Variants in VEGFA observed in about 807,000 individuals in gnomAD.
The protein encoded by VEGFA is vascular endothelial growth factor A, long form.
Under a neutral mutation model 49.7 loss-of-function variants are expected in VEGFA, and 20 were observed. The ratio of observed to expected loss-of-function variants is 0.40; its 90% confidence interval spans 0.28 to 0.58. The LOEUF is 0.58. Among genes scored for constraint, VEGFA ranks in the 20% least tolerant of loss-of-function variants. The pLI, the probability that VEGFA is intolerant of heterozygous loss-of-function variation, is 0.40. For missense variants in VEGFA, 505 were observed against 553.5 expected (o/e 0.91, Z 0.88); for synonymous variants, 219 against 223.4 (o/e 0.98, Z 0.18).
chr6:43,774,418 G>C, intron 2 of VEGFA, 26 bp downstream of exon 2: 2 of 1,614,066 alleles, frequency 1.2e-6, no homozygotes. Context: ...TGTTGGATGG[G>C]GTTCCCTGTC....
intron 5 of VEGFA, chr6:43,780,417 GTGTGGAGACCTTTGGGTCC>G (rs1210458069): frequency 7.8e-5 from 33 of 423,894 alleles, no homozygotes; most frequent in Non-Finnish European, 1.2e-4. Context: ...GCCACTGTGA[GTGTGGAGACCTTTGGGTCC>G]TGTGCCCTCC....
chr6:43,781,431 C>T lies in VEGFA; in HGVS notation c.1035-525C>T, dbSNP rs1011513402. 20 of 237,682 alleles carry T rather than the reference C, an allele frequency of 8.4e-5. No individual in the cohort carries two copies. The Middle Eastern group carries it at 8.0e-3, about 96-fold the overall frequency. 14.7% of individuals were successfully genotyped at this position (237,682 alleles called of 1,614,324 possible). On this transcript the variant is annotated intron_variant, in intron 6 of 7. Transcript: ENST00000672860. ...TGCAGGGCAGCCTCTTCCTCTGGGT[C>T]GGAGGCTGTGGTGGGCCCTGCCCTG...
At chr6:43,772,775 C>T (rs1764040982) in intron 1 of VEGFA, among the ~76,000 whole-genome samples, 3 of 152,186 alleles carry the variant, frequency 2.0e-5, no homozygotes. Context: ...GGACAGGGGT[C>T]GCTGCTAACA....
At chr6:43,780,474 T>G in intron 5 of VEGFA, 1 of 527,348 alleles carries the variant, frequency 1.9e-6, no homozygotes, top group Non-Finnish European at 3.4e-6. Context: ...CACCAAAGCC[T>G]TGTCAGGGGC....
rs1263739598 is a variant in VEGFA at position 43,782,036 on chromosome 6, C to CA, written c.1116dup (p.Asp373ArgfsTer10). The CA allele has an allele frequency of 6.2e-7, 1 of 1,614,040 alleles. No homozygotes were observed. Among genetic ancestry groups the CA allele is most frequent in the African/African-American group, 1.3e-5 (1 of 74,928 alleles). On this transcript the variant is annotated frameshift_variant, in exon 7 of 8. Transcript: ENST00000672860. LOFTEE classifies it high-confidence loss of function. The stretch of plus-strand genomic sequence containing the variant: ...ACGTGTAAATGTTCCTGCAAAAACA[C>CA]AGACTCGCGTTGCAAGGCGAGGCAG...
intron 6 of VEGFA, chr6:43,781,748 C>A: frequency 1.7e-6 from 1 of 594,684 alleles, no homozygotes; most frequent in Non-Finnish European, 3.0e-6. Context: ...CCCGCCTCTT[C>A]CTGCGGCAGG....
intron 7 of VEGFA, chr6:43,783,820 C>G (rs1394706444): frequency 6.6e-6 from 1 of 152,554 alleles, no homozygotes; most frequent in African/African-American, 2.4e-5. Context: ...GTGAAGCCGC[C>G]GAATTGTCTC....
intron 5 of VEGFA, chr6:43,779,488 T>C (rs1766608184): frequency 5.4e-6 from 2 of 369,110 alleles, no homozygotes; most frequent in East Asian, 1.2e-4. Context: ...AAGGGGCAGG[T>C]AGGATGGGGT....
chr6:43,781,001 T>G lies in VEGFA; in HGVS notation c.1034+198T>G. The stretch of plus-strand genomic sequence containing the variant: ...GTAGATTTGGTGGTGGCATTGCTGG[T>G]CCAGGGTTGGGGTGAATGGGGGTGC... On this transcript the variant is annotated intron_variant, in intron 6 of 7. Coordinates refer to ENST00000672860, the MANE Select transcript of VEGFA (RefSeq NM_003376.6). 2.1e-6 allele frequency: 3 copies of G among 1,396,696 alleles called. No homozygotes were observed. The South Asian group carries it at 3.6e-5, about 17-fold the overall frequency. 86.5% of individuals were successfully genotyped at this position (1,396,696 alleles called of 1,614,324 possible). A position where few individuals can be genotyped will look rare whatever the true frequency, so the allele number is the denominator to read the frequency against.
chr6:43,782,228 C>T (rs1287110377), intron 7 of VEGFA, 141 bp downstream of exon 7: 2 of 1,263,224 alleles, frequency 1.6e-6, no homozygotes, highest in Non-Finnish European at 2.2e-6. Context: ...TAGCTGCCTG[C>T]CTGGTGACTG....
chr6:43,782,631 G>T (rs1768244322), intron 7 of VEGFA: 1 of 216,998 alleles, frequency 4.6e-6, no homozygotes, highest in South Asian at 7.0e-5. Context: ...GGAAAGGGTT[G>T]TGTCTCCCCA....
intron 5 of VEGFA, chr6:43,779,660 C>A: frequency 2.1e-6 from 1 of 465,312 alleles, no homozygotes; most frequent in Middle Eastern, 3.2e-4. Flanking sequence ...TTGAAGCCCC[C>A]ACCAGGCCTC....
intron 6 of VEGFA, 109 bp from the exon 7 acceptor site, chr6:43,781,847 T>G: frequency 6.9e-7 from 1 of 1,444,344 alleles, no homozygotes; most frequent in Non-Finnish European, 9.5e-7. Context: ...GCTGACCGGC[T>G]GGGTGGGGGT....
Position 43,782,026 on chromosome 6 carries a change from T to C in VEGFA, c.1105T>C (p.Cys369Arg). 1 of 1,614,142 alleles carries C rather than the reference T, an allele frequency of 6.2e-7. No homozygotes were observed. The highest frequency in any genetic ancestry group is 8.5e-7 in the Non-Finnish European group (1 of 1,180,006). Residue 369 changes from cysteine (C) to arginine (R), a missense_variant, in exon 7 of 8, where the codon TGC (cysteine) becomes CGC (arginine). This residue lies in a region of VEGFA where 165 missense variants were observed against 231.7 expected (regional missense o/e 0.71). Coordinates refer to ENST00000672860, the MANE Select transcript of VEGFA (RefSeq NM_003376.6). ...AGATCCGCAGACGTGTAAATGTTCC[T>C]GCAAAAACACAGACTCGCGTTGCAA...
intron 5 of VEGFA, chr6:43,779,494 G>C (rs1766613591): frequency 2.7e-6 from 1 of 372,790 alleles, no homozygotes; most frequent in Non-Finnish European, 5.2e-6. Context: ...CAGGTAGGAT[G>C]GGGTGGGGGA....
chr6:43,773,059 GTGAGGGGGC>G lies in VEGFA; in HGVS notation c.607-1276_607-1268del, dbSNP rs1445149357. On this transcript the variant is annotated intron_variant, in intron 1 of 7. Transcript: ENST00000672860. The surrounding 1 kb of genome is among the most constrained non-coding windows in gnomAD (Gnocchi z 5.6). ...AAGGCAGGGGGTGTCATGGGAATGG[GTGAGGGGGC>G]TGAGGTGCAGAATCCAGGGGGTCCC... The G allele has an allele frequency of 2.8e-4, 43 of 153,188 alleles. 2 individuals carry two copies. In the South Asian group the frequency reaches 8.4e-3, roughly 30 times the overall value. The allele number at this position is 153,188 out of a possible 1,614,324, so 9.5% of individuals were successfully genotyped here.
At position 43,778,498 on chromosome 6, in the gene VEGFA, A is replaced by T; in HGVS notation, c.894A>T (p.Gly298=). Residue 298 remains glycine, a synonymous_variant, in exon 4 of 8, where the codon GGA becomes GGT. Coordinates refer to ENST00000672860, the MANE Select transcript of VEGFA (RefSeq NM_003376.6). ...AACCTCACCAAGGCCAGCACATAGGAGAGATGAGCTTCCTACAGCACAACA... is the reference window on the plus strand; with the variant it reads ...AACCTCACCAAGGCCAGCACATAGGTGAGATGAGCTTCCTACAGCACAACA... 6.2e-7 allele frequency: 1 copy of T among 1,614,178 alleles called. No individual in the cohort carries two copies. Among genetic ancestry groups the T allele is most frequent in the Non-Finnish European group, 8.5e-7 (1 of 1,180,020 alleles).
intron 1 of VEGFA, chr6:43,771,929 C>G (rs903907380): frequency 3.8e-6 from 3 of 783,618 alleles, no homozygotes; most frequent in Non-Finnish European, 4.6e-6. Flanking sequence ...GCGTCCCGCT[C>G]GGTGCCCGCC....
chr6:43,778,832 C>T (rs1036644857), intron 4 of VEGFA, 57 bp from the exon 5 acceptor site: 3 of 1,578,342 alleles, frequency 1.9e-6, no homozygotes, highest in African/African-American at 1.3e-5. Flanking sequence ...CTATCATTAT[C>T]ATCACCATCT....
Sources: gnomAD v4.1 joint callset for allele counts (sites outside exome capture counted in the v4.1 genomes callset) on GRCh38, gnomAD v4.1.1 for gene constraint, gnomAD v4.1.1 regional missense constraint, Gnocchi (gnomAD v3.1) non-coding constraint, MANE v1.5 for transcripts, NCBI Gene and HGNC (gene_info 2026-07-23, HGNC 2026-07-21) for gene names.